The following GLB1 variants were observed in gnomAD, a reference collection of about 807,000 sequenced individuals.
GLB1 encodes the protein beta-galactosidase.
GLB1 carries 56 observed loss-of-function variants against 74.0 expected under a neutral mutation model. That is an observed-to-expected ratio of 0.76 (90% confidence interval 0.61 to 0.94). The LOEUF (loss-of-function observed/expected upper bound fraction) is 0.94, where lower values mean the gene tolerates loss of function less well. Among genes scored for constraint, GLB1 ranks in the 40% least tolerant of loss-of-function variants. The pLI, the probability that GLB1 is intolerant of heterozygous loss-of-function variation, is 0.00. For synonymous variants in GLB1, 323 were observed against 323.6 expected, an observed-to-expected ratio of 1.00 and a Z score of 0.02; for missense variants, 787 against 845.5, an observed-to-expected ratio of 0.93 and a Z score of 0.86.
At chr3:32,969,157 C>T in the GLB1 span, among the ~76,000 whole-genome samples, 3 of 152,152 alleles carry the variant, frequency 2.0e-5, no homozygotes, top group African/African-American at 4.8e-5. Context: ...GGGAGTCCGT[C>T]GTGCTGGGTA....
At chr3:33,095,020 G>A (rs1700950877) in intron 1 of GLB1, among the ~76,000 whole-genome samples, 1 of 152,058 alleles carries the variant, frequency 6.6e-6, no homozygotes, top group Admixed American at 6.6e-5. Context: ...AGACCAGCCT[G>A]GCCAACATGG....
intron 5 of GLB1, among the ~76,000 whole-genome samples, chr3:33,065,001 C>A (rs974397825): frequency 1.3e-5 from 2 of 152,130 alleles, no homozygotes; most frequent in African/African-American, 4.8e-5. Context: ...TTGACCATAT[C>A]CTTTTCCATT....
the GLB1 span, among the ~76,000 whole-genome samples, chr3:32,988,241 G>C: frequency 3.4e-5 from 5 of 147,442 alleles, no homozygotes; most frequent in Non-Finnish European, 4.5e-5. Context: ...CAAAGACCAA[G>C]GACTTAAGTG....
intron 15 of GLB1, among the ~76,000 whole-genome samples, chr3:33,005,145 G>A (rs7646643): frequency 0.66 from 99,843 of 151,682 alleles, 33,469 homozygotes; most frequent in Admixed American, 0.76. Context: ...ACTATCCTAT[G>A]GTTATCTAGG....
chr3:33,073,465 A>T (rs1389559918), intron 1 of GLB1, among the ~76,000 whole-genome samples: 3 of 152,178 alleles, frequency 2.0e-5, no homozygotes, highest in Admixed American at 2.0e-4. Flanking sequence ...AGGCAGGTGG[A>T]TCACCTGAGG....
At chr3:32,963,895 T>C in the GLB1 span, among the ~76,000 whole-genome samples, 1 of 152,220 alleles carries the variant, frequency 6.6e-6, no homozygotes, top group African/African-American at 2.4e-5. Context: ...GAGAACTTTA[T>C]GATGATGGAG....
At chr3:33,089,537 A>G (rs952361318) in intron 1 of GLB1, among the ~76,000 whole-genome samples, 1 of 152,234 alleles carries the variant, frequency 6.6e-6, no homozygotes, top group Non-Finnish European at 1.5e-5. Flanking sequence ...ATGGATAAAC[A>G]AAATGTGGCA....
intron 5 of GLB1, among the ~76,000 whole-genome samples, chr3:33,062,077 G>C (rs574939507): frequency 2.6e-5 from 4 of 152,206 alleles, no homozygotes; most frequent in Non-Finnish European, 5.9e-5. Flanking sequence ...AGCACTGAGA[G>C]AGAAAACCAG....
the GLB1 span, among the ~76,000 whole-genome samples, chr3:32,979,776 CAGGGGGTCA>C: frequency 6.8e-6 from 1 of 147,634 alleles, no homozygotes; most frequent in African/African-American, 2.5e-5. Flanking sequence ...GGCTGGAGCC[CAGGGGGTCA>C]AGGCTGCAGT....
rs369878091 is a variant in GLB1 at position 33,093,206 on chromosome 3, G to A, written c.75+3805C>T. The stretch of plus-strand genomic sequence containing the variant: ...CTTCAATATCGTCCACCCCAGCCAA[G>A]CAGATCCAGTCCTCATCCTCACTCC... On this transcript the variant is annotated intron_variant, in intron 1 of 15. Coordinates refer to ENST00000307363, the MANE Select transcript of GLB1 (RefSeq NM_000404.4). The surrounding 1 kb of genome is among the most constrained non-coding windows in gnomAD (Gnocchi z 6.0). 94 of 1,613,864 alleles carry A rather than the reference G, an allele frequency of 5.8e-5. 1 individual carries two copies. The South Asian group carries it at 7.0e-4, about 12-fold the overall frequency.
intron 1 of GLB1, among the ~76,000 whole-genome samples, chr3:33,079,749 G>A (rs1406916375): frequency 2.0e-5 from 3 of 152,170 alleles, no homozygotes; most frequent in Non-Finnish European, 4.4e-5. Context: ...ACTTTGGGAG[G>A]GATATAGGGT....
chr3:33,091,918 C>A (rs1271444357), intron 1 of GLB1: 1 of 985,306 alleles, frequency 1.0e-6, no homozygotes, highest in Admixed American at 6.1e-5. Flanking sequence ...GGCAAAAGCA[C>A]CGCTTTTACT....
chr3:33,086,826 C>A (rs1490371200), intron 1 of GLB1, among the ~76,000 whole-genome samples: 1 of 151,312 alleles, frequency 6.6e-6, no homozygotes, highest in East Asian at 1.9e-4. Context: ...TGAAGAAATA[C>A]ACCACAGGCA....
intron 1 of GLB1, chr3:33,094,158 G>T (rs766572686): frequency 6.2e-7 from 1 of 1,611,818 alleles, no homozygotes; most frequent in Admixed American, 1.7e-5. Flanking sequence ...AGCCAGGGTG[G>T]CCTTCGCGCC....
At chr3:33,072,743 A>T (rs375109663) in intron 1 of GLB1, 30 bp from the exon 2 acceptor site, 6 of 1,613,846 alleles carry the variant, frequency 3.7e-6, no homozygotes, top group Non-Finnish European at 5.1e-6. Flanking sequence ...TCACATGAGA[A>T]CTTCCACCTT....
At position 33,065,432 on chromosome 3, in the gene GLB1, C is replaced by A. The variant is rs1340652136; in HGVS notation, c.552+31G>T. ...ATGTAGATGGATGGGAACCCCTCCC[C>A]CAATCCATCCATGCTCAACTCCAGG... On this transcript the variant is annotated intron_variant, in intron 5 of 15. Coordinates refer to ENST00000307363, the MANE Select transcript of GLB1 (RefSeq NM_000404.4). The A allele has an allele frequency of 3.8e-6, 6 of 1,559,004 alleles. No individual in the cohort carries two copies. In the East Asian group the frequency reaches 9.5e-5, roughly 25 times the overall value.
chr3:33,022,333 A>G (rs1271360902), intron 11 of GLB1, among the ~76,000 whole-genome samples: 1 of 152,088 alleles, frequency 6.6e-6, no homozygotes, highest in East Asian at 1.9e-4. Flanking sequence ...TGCAATAACA[A>G]CAATAATAAT....
intron 9 of GLB1, among the ~76,000 whole-genome samples, chr3:33,048,304 G>T (rs185066812): frequency 6.6e-6 from 1 of 152,322 alleles, no homozygotes; most frequent in Admixed American, 6.5e-5. Context: ...CTTACTTTGG[G>T]TGTTTTTAGA....
At chr3:33,081,035 C>A (rs1460648072) in intron 1 of GLB1, among the ~76,000 whole-genome samples, 1 of 152,160 alleles carries the variant, frequency 6.6e-6, no homozygotes, top group African/African-American at 2.4e-5. Context: ...TGCACTGGCT[C>A]CACCCCTGGA....
Sources: gnomAD v4.1 joint callset for allele counts (sites outside exome capture counted in the v4.1 genomes callset) on GRCh38, gnomAD v4.1.1 for gene constraint, Gnocchi (gnomAD v3.1) non-coding constraint, MANE v1.5 for transcripts, NCBI Gene and HGNC (gene_info 2026-07-23, HGNC 2026-07-21) for gene names.